UNC80: variants seen among roughly 807,000 people sequenced by gnomAD.
The protein encoded by UNC80 is protein unc-80 homolog.
UNC80 carries 164 observed loss-of-function variants against 384.6 expected under a neutral mutation model. The ratio of observed to expected loss-of-function variants is 0.43; its 90% CI spans 0.38 to 0.49. UNC80 has a LOEUF of 0.49. Among genes scored for constraint, UNC80 ranks in the 20% least tolerant of loss-of-function variants. UNC80 has a pLI of 0.00. For synonymous variants in UNC80, 1,486 were observed against 1,527.8 expected, an observed-to-expected ratio of 0.97 and a Z score of 0.64; for missense variants, 3,330 against 4,143.0, an observed-to-expected ratio of 0.80 and a Z score of 5.39.
chr2:209,864,368 C>G (rs2083558494), intron 22 of UNC80, among the ~76,000 whole-genome samples: 1 of 152,148 alleles, frequency 6.6e-6, no homozygotes, highest in Non-Finnish European at 1.5e-5. Flanking sequence ...GCACTTTGTC[C>G]TTTGGTGGAG....
At chr2:209,789,668 A>C in intron 6 of UNC80, 63 bp downstream of exon 6, 1 of 1,205,954 alleles carries the variant, frequency 8.3e-7, no homozygotes, top group Non-Finnish European at 1.2e-6. Flanking sequence ...GTGTAGTGTG[A>C]AGGGAAAGAC....
intron 43 of UNC80, among the ~76,000 whole-genome samples, chr2:209,940,774 G>A (rs551749487): frequency 5.9e-5 from 9 of 152,064 alleles, no homozygotes; most frequent in Non-Finnish European, 1.0e-4. Flanking sequence ...CCGAGATTGC[G>A]CCATTGCACT....
intron 7 of UNC80, chr2:209,809,023 C>T (rs1440209946): frequency 2.6e-6 from 1 of 378,196 alleles, no homozygotes; most frequent in Admixed American, 3.8e-5. Flanking sequence ...GAGACTCCCC[C>T]AAGAGAGTTT....
chr2:209,980,648 T>C (rs1374920899), intron 59 of UNC80, among the ~76,000 whole-genome samples: 1 of 152,242 alleles, frequency 6.6e-6, no homozygotes, highest in Non-Finnish European at 1.5e-5. Context: ...TATTAAGGCC[T>C]ATCGGGTATA....
At chr2:209,992,017 A>T in intron 61 of UNC80, 149 bp from the exon 62 acceptor site, 1 of 544,886 alleles carries the variant, frequency 1.8e-6, no homozygotes, top group African/African-American at 1.9e-5. Context: ...ATTTGAAAAC[A>T]CCCATCCCAG....
chr2:209,815,132 A>G (rs374055185), intron 8 of UNC80, 125 bp from the exon 9 acceptor site: 1 of 872,166 alleles, frequency 1.1e-6, no homozygotes, highest in South Asian at 2.7e-5. Context: ...GTCCAGACAT[A>G]CAAGTTCAAT....
rs1308283554 is a variant in UNC80, at chr2:209,921,633, A to G, written c.5477A>G (p.Gln1826Arg). 1 of 1,551,646 alleles carries G rather than the reference A, an allele frequency of 6.4e-7. No homozygotes were observed. The highest frequency in any genetic ancestry group is 2.0e-5 in the Admixed American group (1 of 50,996). ...CTCATCACTGCCATCCCCATCACCC[A>G]GGAGGCTTGCTATGAGCCCACATGC... ...ASLITAIPIT[Q>R]EACYEPTCTP... Residue 1826 changes from glutamine (Q) to arginine (R), a missense_variant, in exon 34 of 65, where the codon CAG becomes CGG. Physicochemically the swap from Gln to Arg is conservative, Grantham distance 43 (BLOSUM62 1). This residue lies in a region of UNC80 where 1,049 missense variants were observed against 1,488.6 expected (regional missense o/e 0.70). Transcript: ENST00000673920.
chr2:209,922,017 A>G (rs146748407), intron 34 of UNC80, among the ~76,000 whole-genome samples: 1 of 152,344 alleles, frequency 6.6e-6, no homozygotes, highest in African/African-American at 2.4e-5. Flanking sequence ...ATGATTAATT[A>G]ATCATTCTGA....
chr2:209,773,610 C>T (rs2076702097), intron 2 of UNC80, among the ~76,000 whole-genome samples: 1 of 151,954 alleles, frequency 6.6e-6, no homozygotes. Flanking sequence ...AAGGGTGGGG[C>T]GGGATCGAGT....
At chr2:209,776,981 A>G (rs2076900849) in intron 3 of UNC80, among the ~76,000 whole-genome samples, 1 of 152,154 alleles carries the variant, frequency 6.6e-6, no homozygotes, top group African/African-American at 2.4e-5. Flanking sequence ...TTTTATCTTC[A>G]GAGTCTATAT....
intron 15 of UNC80, among the ~76,000 whole-genome samples, chr2:209,829,615 A>G (rs2080804477): frequency 6.6e-6 from 1 of 152,166 alleles, no homozygotes; most frequent in Admixed American, 6.5e-5. Flanking sequence ...AAAGTTTGGT[A>G]AAGCTTGTGG....
In UNC80 at chr2:209,827,044, GTTAT is replaced by G. The variant is rs1280520436; in HGVS notation, c.2478+994_2478+997del. The stretch of plus-strand genomic sequence containing the variant: ...GCTGTTTTATATTATATTGTGTTGC[GTTAT>G]TTTAGTTTATTATGTTTATATGGGG... On this transcript the variant is annotated intron_variant, in intron 14 of 64. Transcript: ENST00000673920. Among the ~76,000 whole-genome samples, 9 of 151,890 alleles carry G rather than the reference GTTAT, an allele frequency of 5.9e-5. No individual in the cohort carries two copies. In the South Asian group the frequency reaches 1.9e-3, roughly 32 times the overall value.
At chr2:209,955,534 A>G (rs1054543120) in intron 48 of UNC80, among the ~76,000 whole-genome samples, 1 of 151,334 alleles carries the variant, frequency 6.6e-6, no homozygotes, top group Non-Finnish European at 1.5e-5. Flanking sequence ...TTTCTATGCT[A>G]TTGCTGATGG....
At chr2:209,877,583 G>A (rs192178531) in intron 23 of UNC80, among the ~76,000 whole-genome samples, 1 of 152,306 alleles carries the variant, frequency 6.6e-6, no homozygotes, top group African/African-American at 2.4e-5. Context: ...CTGAGGAACT[G>A]TGCCTTCTGA....
chr2:209,890,384 C>T (rs2086220630), intron 26 of UNC80, among the ~76,000 whole-genome samples: 1 of 152,166 alleles, frequency 6.6e-6, no homozygotes, highest in Non-Finnish European at 1.5e-5. Context: ...CTGACTTACC[C>T]ACCTCACCCA....
rs1559456419 is a variant in UNC80 at position 209,994,076 on chromosome 2, C to T, written c.9520C>T (p.Arg3174Ter). The change falls in exon 64 of 65, where the codon CGA becomes TGA. Residue 3174 changes from arginine (R) to a stop codon, truncating the protein, a stop_gained. Transcript: ENST00000673920. LOFTEE classifies it high-confidence loss of function. ...PKTKPSADQKRSVTFIEAQPE... is the reference protein window; with the variant it reads ...PKTKPSADQK Reference sequence around the variant, plus strand: ...ACCTCTACCTGCAGCGGATCAGAAACGATCTGTGACCTTCATTGAGGCTCA... The same window carrying T: ...ACCTCTACCTGCAGCGGATCAGAAATGATCTGTGACCTTCATTGAGGCTCA... 3 of 1,550,286 alleles carry T rather than the reference C, an allele frequency of 1.9e-6. No individual in the cohort carries two copies. Among genetic ancestry groups the T allele is most frequent in the Non-Finnish European group, 1.7e-6 (2 of 1,146,286 alleles).
Position 209,872,904 on chromosome 2 carries a change from T to C in UNC80, c.3774T>C (p.Ile1258=), listed in dbSNP as rs2124882955. ...GACTTTCCCGGGGACGCTCTCCCAT[T>C]GTGGGCAACAAGCGAAACCAGAAGC... ...KKGLSRGRSP[I]VGNKRNQKLQ... Residue 1258 remains isoleucine, a synonymous_variant, in exon 23 of 65, where the codon ATT becomes ATC. Transcript: ENST00000673920. The surrounding 1 kb of genome is among the most constrained non-coding windows in gnomAD (Gnocchi z 4.1). 6.4e-7 allele frequency: 1 copy of C among 1,551,608 alleles called. No homozygotes were observed. Among genetic ancestry groups the C allele is most frequent in the Non-Finnish European group, 8.7e-7 (1 of 1,146,934 alleles).
chr2:209,959,260 C>T, intron 50 of UNC80, 106 bp downstream of exon 50: 3 of 1,365,404 alleles, frequency 2.2e-6, no homozygotes, highest in Non-Finnish European at 3.1e-6. Flanking sequence ...GCATAACATA[C>T]TATTTCTGGG....
Position 209,872,866 on chromosome 2 carries a change from A to AAAACGAGCACATAATGTGCTCGTTT in UNC80, c.3736_3737insAAACGAGCACATAATGTGCTCGTTT (p.Ile1246LysfsTer5). Reference sequence around the variant, plus strand: ...GTGGATGAAAGGGCACCACGTGAACATCACCAAGAAAGGACTTTCCCGGGG... The same window carrying AAAACGAGCACATAATGTGCTCGTTT: ...GTGGATGAAAGGGCACCACGTGAACAAAACGAGCACATAATGTGCTCGTTTTCACCAAGAAAGGACTTTCCCGGGG... On this transcript the variant is annotated stop_gained and frameshift_variant, in exon 23 of 65. Transcript: ENST00000673920. LOFTEE classifies it high-confidence loss of function. The surrounding 1 kb of genome is among the most constrained non-coding windows in gnomAD (Gnocchi z 4.1). The AAAACGAGCACATAATGTGCTCGTTT allele has an allele frequency of 6.4e-7, 1 of 1,551,512 alleles. No individual in the cohort carries two copies. Among genetic ancestry groups the AAAACGAGCACATAATGTGCTCGTTT allele is most frequent in the Non-Finnish European group, 8.7e-7 (1 of 1,146,862 alleles).
Sources: gnomAD v4.1 joint callset for allele counts (sites outside exome capture counted in the v4.1 genomes callset) on GRCh38, gnomAD v4.1.1 for gene constraint, gnomAD v4.1.1 regional missense constraint, Gnocchi (gnomAD v3.1) non-coding constraint, MANE v1.5 for transcripts, NCBI Gene and HGNC (gene_info 2026-07-23, HGNC 2026-07-21) for gene names.